Variants in NMNAT3 observed in about 807,000 individuals in gnomAD.
The protein encoded by NMNAT3 is nicotinamide nucleotide adenylyltransferase 3, also known as nicotinamide/nicotinic acid mononucleotide adenylyltransferase 3.
Under a neutral mutation model 24.8 loss-of-function variants are expected in NMNAT3, and 21 were observed. The observed-to-expected ratio is 0.85, with a 90% CI of 0.60 to 1.22. The LOEUF (loss-of-function observed/expected upper bound fraction) is 1.22. Ranked by LOEUF, NMNAT3 falls within the 50% of genes most tolerant of loss-of-function variation. NMNAT3 has a pLI of 0.00. For synonymous variants in NMNAT3, 136 were observed against 155.2 expected (o/e 0.88, Z 0.92); for missense variants, 387 against 436.6 (o/e 0.89, Z 1.01).
At chr3:139,597,955 G>T (rs1374240354) in intron 3 of NMNAT3, among the ~76,000 whole-genome samples, 1 of 152,198 alleles carries the variant, frequency 6.6e-6, no homozygotes, top group Non-Finnish European at 1.5e-5. Context: ...GAAATAAACT[G>T]CTTATTCTTG....
intron 4 of NMNAT3, among the ~76,000 whole-genome samples, chr3:139,582,415 G>A (rs536826616): frequency 6.6e-6 from 1 of 151,748 alleles, no homozygotes; most frequent in Admixed American, 6.6e-5. Flanking sequence ...GCCAAGGCAG[G>A]AGGATCACCT....
intron 3 of NMNAT3, among the ~76,000 whole-genome samples, chr3:139,602,578 T>C (rs2054764173): frequency 6.6e-6 from 1 of 152,240 alleles, no homozygotes; most frequent in Admixed American, 6.5e-5. Context: ...GGCACTTTAA[T>C]TATTCACAAG....
intron 3 of NMNAT3, among the ~76,000 whole-genome samples, chr3:139,589,887 C>T (rs890055506): frequency 6.6e-6 from 1 of 152,096 alleles, no homozygotes; most frequent in Non-Finnish European, 1.5e-5. Flanking sequence ...CCCTTTCTCA[C>T]AAAGATGCCA....
At chr3:139,641,084 A>G (rs1456239091) in intron 1 of NMNAT3, among the ~76,000 whole-genome samples, 1 of 152,170 alleles carries the variant, frequency 6.6e-6, no homozygotes, top group Non-Finnish European at 1.5e-5. Flanking sequence ...TCCTGCACTT[A>G]TTGCTTCAGA....
At chr3:139,624,638 G>A (rs1576676322) in intron 3 of NMNAT3, among the ~76,000 whole-genome samples, 1 of 152,002 alleles carries the variant, frequency 6.6e-6, no homozygotes, top group East Asian at 1.9e-4. Context: ...TAGTAGAGAC[G>A]GGGTTTCACC....
intron 5 of NMNAT3, chr3:139,576,348 T>G (rs1939306193): frequency 2.5e-6 from 2 of 803,494 alleles, no homozygotes; most frequent in African/African-American, 3.7e-5. Context: ...TTAAAAATCT[T>G]AATCAGCATT....
At chr3:139,626,443 T>A (rs935772831) in intron 3 of NMNAT3, among the ~76,000 whole-genome samples, 1 of 152,132 alleles carries the variant, frequency 6.6e-6, no homozygotes, top group African/African-American at 2.4e-5. Context: ...TAATTCTAGA[T>A]GTTTGACTTG....
chr3:139,637,682 G>A (rs559886074), intron 2 of NMNAT3: 1 of 152,190 alleles, frequency 6.6e-6, no homozygotes, highest in South Asian at 2.1e-4. Context: ...TCTTCTGCAT[G>A]TTCCTGCTTC....
At chr3:139,675,515 GCTTT>G (rs1174821267) in intron 1 of NMNAT3, among the ~76,000 whole-genome samples, 2 of 152,168 alleles carry the variant, frequency 1.3e-5, no homozygotes, top group Non-Finnish European at 2.9e-5. Context: ...GCTTTCTGGG[GCTTT>G]CTGACAGTGC....
At chr3:139,650,109 C>T (rs1030201557) in intron 1 of NMNAT3, among the ~76,000 whole-genome samples, 8 of 152,336 alleles carry the variant, frequency 5.3e-5, no homozygotes, top group Admixed American at 5.2e-4. Context: ...TGACAGGTCT[C>T]TACAAATACT....
chr3:139,582,566 C>G lies in NMNAT3; in HGVS notation c.391+361G>C, dbSNP rs186499172. On this transcript the variant is annotated intron_variant, in intron 4 of 6. Coordinates refer to ENST00000643695, the MANE Select transcript of NMNAT3 (RefSeq NM_001320510.2). ...CTGAGGTGGGTGGATCACTTGAACC[C>G]AGGAGGAGGAGGTTGCAGTGAGTCA... 3.0e-5 allele frequency among the ~76,000 whole-genome samples: 4 copies of G among 133,674 alleles called. No homozygotes were observed. The Admixed American group carries it at 3.8e-4, about 13-fold the overall frequency. The allele number at this position is 133,674 out of a possible 152,430, so 87.7% of individuals were successfully genotyped here.
intron 3 of NMNAT3, among the ~76,000 whole-genome samples, chr3:139,605,451 A>G (rs534821757): frequency 6.6e-6 from 1 of 152,146 alleles, no homozygotes; most frequent in East Asian, 1.9e-4. Context: ...GAGGTGATCA[A>G]CTCTATGCTG....
At chr3:139,566,273 G>C (rs1937192146) in intron 6 of NMNAT3, 1 of 152,082 alleles carries the variant, frequency 6.6e-6, no homozygotes, top group Non-Finnish European at 1.5e-5. Flanking sequence ...CCCTTTGTCA[G>C]ATGAGTAGGT....
At chr3:139,583,373 A>G (rs1257034773) in intron 3 of NMNAT3, 11 of 1,549,168 alleles carry the variant, frequency 7.1e-6, no homozygotes, top group Non-Finnish European at 9.8e-6. Context: ...TTCAACTGGA[A>G]TGTAACATGT....
intron 3 of NMNAT3, among the ~76,000 whole-genome samples, chr3:139,608,641 C>T (rs2108245414): frequency 6.6e-6 from 1 of 152,204 alleles, no homozygotes; most frequent in Non-Finnish European, 1.5e-5. Context: ...CCTAGTTACC[C>T]CCAATGGTAA....
chr3:139,614,577 C>T (rs1379754557), intron 3 of NMNAT3, among the ~76,000 whole-genome samples: 1 of 152,174 alleles, frequency 6.6e-6, no homozygotes. Context: ...GCAGAATGTC[C>T]CTCACTTTAG....
chr3:139,568,720 T>A (rs1937591144), intron 6 of NMNAT3: 1 of 152,242 alleles, frequency 6.6e-6, no homozygotes, highest in Non-Finnish European at 1.5e-5. Flanking sequence ...TTTGTTATAA[T>A]TTCTGTTCTT....
chr3:139,620,198 G>A (rs2055699678), intron 3 of NMNAT3, among the ~76,000 whole-genome samples: 2 of 126,464 alleles, frequency 1.6e-5, no homozygotes, highest in African/African-American at 6.2e-5. Flanking sequence ...ACCTTGTGGA[G>A]TCTTTTTTTT....
intron 6 of NMNAT3, chr3:139,570,528 A>C (rs1056747883): frequency 6.6e-6 from 1 of 152,098 alleles, no homozygotes; most frequent in African/African-American, 2.4e-5. Context: ...TTTGGTGTGG[A>C]TGTCCTTTCT....
Sources: gnomAD v4.1 joint callset for allele counts (sites outside exome capture counted in the v4.1 genomes callset) on GRCh38, gnomAD v4.1.1 for gene constraint, MANE v1.5 for transcripts, NCBI Gene and HGNC (gene_info 2026-07-23, HGNC 2026-07-21) for gene names.